TECPR2: variants seen among roughly 807,000 people sequenced by gnomAD.
The protein encoded by TECPR2 is tectonin beta-propeller repeat-containing protein 2.
TECPR2 carries 65 observed loss-of-function variants against 138.1 expected under a neutral mutation model. The observed-to-expected ratio is 0.47, with a 90% confidence interval of 0.39 to 0.58. The LOEUF (loss-of-function observed/expected upper bound fraction) is 0.58, where lower values mean the gene tolerates loss of function less well. TECPR2 is among the 20% of genes least tolerant of loss of function. The pLI is 0.00. For missense variants in TECPR2, 1,553 were observed against 1,824.5 expected (o/e 0.85, Z 2.71); for synonymous variants, 746 against 749.8 (o/e 0.99, Z 0.08).
At chr14:102,450,410 C>T in intron 14 of TECPR2, 150 bp from the exon 15 acceptor site, 1 of 725,832 alleles carries the variant, frequency 1.4e-6, no homozygotes, top group South Asian at 1.8e-5. Flanking sequence ...GAATGTTAGG[C>T]TGTGATTGCT....
At chr14:102,456,640 A>G (rs1890283305) in intron 16 of TECPR2, among the ~76,000 whole-genome samples, 1 of 143,172 alleles carries the variant, frequency 7.0e-6, no homozygotes, top group Admixed American at 7.2e-5. Flanking sequence ...CCCAGGCTGG[A>G]GTGCAGTGGC....
In TECPR2 at chr14:102,401,011, C is replaced by A. The variant is rs549163916; in HGVS notation, c.220-6327C>A. ...TCACACCATTGCACTCCAGCCTGGGCAACAGAGTGAGACTCGTCGCAAAAA... is the reference window on the plus strand; with the variant it reads ...TCACACCATTGCACTCCAGCCTGGGAAACAGAGTGAGACTCGTCGCAAAAA... On this transcript the variant is annotated intron_variant, in intron 2 of 19. Transcript: ENST00000359520. Among the ~76,000 whole-genome samples the A allele has an allele frequency of 2.6e-5, 4 of 151,752 alleles. No individual in the cohort carries two copies. In the South Asian group the frequency reaches 8.3e-4, roughly 32 times the overall value.
chr14:102,478,909 C>T (rs1031187029), intron 17 of TECPR2, among the ~76,000 whole-genome samples: 3 of 149,588 alleles, frequency 2.0e-5, no homozygotes, highest in African/African-American at 7.4e-5. Flanking sequence ...TTCAGCTACT[C>T]GGGAGGCTGA....
At chr14:102,412,171 A>C (rs1888893830) in intron 4 of TECPR2, among the ~76,000 whole-genome samples, 1 of 122,598 alleles carries the variant, frequency 8.2e-6, no homozygotes, top group Non-Finnish European at 1.6e-5. Flanking sequence ...TACTCCTCTC[A>C]CCCAGGCTGG....
intron 16 of TECPR2, among the ~76,000 whole-genome samples, chr14:102,458,226 C>T (rs1421718197): frequency 6.6e-6 from 1 of 152,170 alleles, no homozygotes; most frequent in African/African-American, 2.4e-5. Flanking sequence ...GCCAGTCGCT[C>T]AGCAGTGTCC....
At chr14:102,413,363 C>CAT (rs1283569487) in intron 4 of TECPR2, among the ~76,000 whole-genome samples, 4 of 148,802 alleles carry the variant, frequency 2.7e-5, no homozygotes, top group South Asian at 2.1e-4. Context: ...ACATATATTT[C>CAT]ATATATATAT....
chr14:102,492,220 G>A, intron 17 of TECPR2, among the ~76,000 whole-genome samples: 1 of 152,206 alleles, frequency 6.6e-6, no homozygotes. Flanking sequence ...GCCCTCCTGG[G>A]CTGTCTGCAG....
intron 5 of TECPR2, among the ~76,000 whole-genome samples, chr14:102,423,095 T>C (rs1350666265): frequency 1.3e-5 from 2 of 152,208 alleles, no homozygotes; most frequent in African/African-American, 4.8e-5. Context: ...TAGACTAAGC[T>C]TGTCCAACCC....
rs1322427097 is a variant in TECPR2 at position 102,498,989 on chromosome 14, C to T, written c.*732C>T. On this transcript the variant is annotated 3_prime_UTR_variant, in exon 20 of 20. Coordinates refer to ENST00000359520, the MANE Select transcript of TECPR2 (RefSeq NM_014844.5). ...CCACACAACACACCACACCCCACAC[C>T]GCACTGCACCGCACCGCACCGCACC... 6 of 697,416 alleles carry T rather than the reference C, an allele frequency of 8.6e-6. No homozygotes were observed. The highest frequency in any genetic ancestry group is 2.3e-4 in the Middle Eastern group (1 of 4,354). The allele number at this position is 697,416 out of a possible 1,614,324, so 43.2% of individuals were successfully genotyped here.
chr14:102,448,088 A>C (rs1383770276), intron 13 of TECPR2, among the ~76,000 whole-genome samples: 1 of 152,128 alleles, frequency 6.6e-6, no homozygotes. Flanking sequence ...CCTTTTGTGT[A>C]CTTGTAACCA....
At chr14:102,467,152 A>G (rs988753534) in intron 17 of TECPR2, among the ~76,000 whole-genome samples, 1 of 151,982 alleles carries the variant, frequency 6.6e-6, no homozygotes, top group Non-Finnish European at 1.5e-5. Context: ...TTTAGGGAGG[A>G]TGTATGTTCC....
chr14:102,451,379 A>C, intron 15 of TECPR2, among the ~76,000 whole-genome samples: 1 of 152,244 alleles, frequency 6.6e-6, no homozygotes, highest in East Asian at 1.9e-4. Context: ...CATTAGTCCC[A>C]CTAGGATGCA....
At chr14:102,469,749 AAGG>A (rs1261322383) in intron 17 of TECPR2, among the ~76,000 whole-genome samples, 2 of 152,080 alleles carry the variant, frequency 1.3e-5, no homozygotes, top group African/African-American at 4.8e-5. Context: ...CTACTCCTAG[AAGG>A]AATTCTAGGA....
chr14:102,431,578 G>A (rs560480061), intron 7 of TECPR2, among the ~76,000 whole-genome samples: 14 of 152,218 alleles, frequency 9.2e-5, no homozygotes, highest in South Asian at 2.1e-4. Flanking sequence ...TCCTGACCTT[G>A]TGATCCGCCC....
In TECPR2 at chr14:102,483,394, G is replaced by GTGT. The variant is rs1169598307; in HGVS notation, c.3790-13569_3790-13567dup. Among the ~76,000 whole-genome samples, 52 of 149,166 alleles carry GTGT rather than the reference G, an allele frequency of 3.5e-4. No individual in the cohort carries two copies. The South Asian group carries it at 9.0e-3, about 26-fold the overall frequency. On this transcript the variant is annotated intron_variant, in intron 17 of 19. Transcript: ENST00000359520. ...CCTTTTTTTGTTGTTATGTTTTTGT[G>GTGT]TGTTGTTGTTGTTGTTGTAGGGTTT...
chr14:102,395,600 C>T (rs1888293386), intron 2 of TECPR2, among the ~76,000 whole-genome samples: 1 of 152,124 alleles, frequency 6.6e-6, no homozygotes, highest in Non-Finnish European at 1.5e-5. Context: ...GAGTTTGAGA[C>T]CAGCCTGACC....
chr14:102,374,020 C>G (rs577344648), intron 1 of TECPR2, among the ~76,000 whole-genome samples: 1 of 147,442 alleles, frequency 6.8e-6, no homozygotes, highest in Non-Finnish European at 1.5e-5. Flanking sequence ...TGCAGTGAGC[C>G]GAGATCGCAC....
intron 13 of TECPR2, among the ~76,000 whole-genome samples, chr14:102,449,353 A>G (rs982838443): frequency 2.0e-5 from 3 of 152,272 alleles, no homozygotes; most frequent in Non-Finnish European, 2.9e-5. Context: ...TAACAGATCC[A>G]TGTTGTATAA....
chr14:102,392,444 G>A (rs757356645), intron 2 of TECPR2, among the ~76,000 whole-genome samples: 6 of 151,940 alleles, frequency 3.9e-5, no homozygotes, highest in African/African-American at 7.3e-5. Flanking sequence ...TTTTCCAGCT[G>A]TGACTAATTT....
Sources: allele counts gnomAD v4.1 joint callset (sites outside exome capture counted in the v4.1 genomes callset), GRCh38; gene constraint gnomAD v4.1.1; transcripts MANE v1.5; gene names NCBI Gene and HGNC (gene_info 2026-07-23, HGNC 2026-07-21).